Variants in PALLD observed in about 807,000 individuals in gnomAD.
PALLD encodes palladin, cytoskeletal associated protein.
PALLD carries 61 observed loss-of-function variants against 123.5 expected under a neutral mutation model. The observed-to-expected ratio is 0.49, with a 90% CI of 0.40 to 0.61. The LOEUF (loss-of-function observed/expected upper bound fraction) is 0.61, where lower values mean the gene tolerates loss of function less well. Among genes scored for constraint, PALLD ranks in the 20% least tolerant of loss-of-function variants. The pLI is 0.00. For missense variants in PALLD, 1,273 were observed against 1,377.0 expected, an observed-to-expected ratio of 0.92 and a Z score of 1.20; for synonymous variants, 465 against 496.4, an observed-to-expected ratio of 0.94 and a Z score of 0.84.
intron 8 of PALLD, among the ~76,000 whole-genome samples, chr4:168,703,030 G>C (rs963059011): frequency 2.6e-4 from 36 of 138,502 alleles, no homozygotes; most frequent in African/African-American, 9.2e-4. Flanking sequence ...CTAGCATTAG[G>C]TATATCTCCC....
intron 2 of PALLD, among the ~76,000 whole-genome samples, chr4:168,529,039 G>A (rs1041875142): frequency 6.6e-6 from 1 of 152,160 alleles, no homozygotes; most frequent in African/African-American, 2.4e-5. Context: ...ATAAGAACTA[G>A]GTGTGCCATT....
At chr4:168,924,521 CAT>C in intron 19 of PALLD, 101 bp downstream of exon 19, 2 of 1,153,822 alleles carry the variant, frequency 1.7e-6, no homozygotes, top group Non-Finnish European at 2.6e-6. Flanking sequence ...GTAAAAGCCA[CAT>C]AGATGTTTTG....
At chr4:168,905,697 A>G (rs1177855434) in intron 15 of PALLD, among the ~76,000 whole-genome samples, 1 of 152,104 alleles carries the variant, frequency 6.6e-6, no homozygotes, top group African/African-American at 2.4e-5. Flanking sequence ...ATCACCCTGA[A>G]AAAGTCTAAA....
At chr4:168,601,199 C>T (rs1318564470) in intron 2 of PALLD, among the ~76,000 whole-genome samples, 1 of 152,048 alleles carries the variant, frequency 6.6e-6, no homozygotes, top group African/African-American at 2.4e-5. Flanking sequence ...TCTATAGGCA[C>T]ATTAGATTGC....
intron 2 of PALLD, among the ~76,000 whole-genome samples, chr4:168,628,863 A>G (rs1195586527): frequency 6.6e-6 from 1 of 152,242 alleles, no homozygotes; most frequent in African/African-American, 2.4e-5. Flanking sequence ...TGTTACCAAC[A>G]TACACAATAG....
At chr4:168,831,615 C>G (rs1744213069) in intron 10 of PALLD, among the ~76,000 whole-genome samples, 1 of 152,166 alleles carries the variant, frequency 6.6e-6, no homozygotes, top group Admixed American at 6.5e-5. Flanking sequence ...GCCCCAGTCT[C>G]GCAGTTCCAT....
At chr4:168,887,046 G>A (rs1458416292) in intron 10 of PALLD, among the ~76,000 whole-genome samples, 1 of 150,796 alleles carries the variant, frequency 6.6e-6, no homozygotes, top group Non-Finnish European at 1.5e-5. Context: ...GAACCTGGGA[G>A]GCAGAGGTTG....
intron 10 of PALLD, among the ~76,000 whole-genome samples, chr4:168,796,223 A>AT (rs1029651290): frequency 1.3e-5 from 2 of 151,864 alleles, no homozygotes; most frequent in African/African-American, 4.8e-5. Flanking sequence ...GCTCTAACTA[A>AT]TTTTTTTAGT....
At chr4:168,674,942 G>A (rs1780679150) in intron 3 of PALLD, among the ~76,000 whole-genome samples, 1 of 152,018 alleles carries the variant, frequency 6.6e-6, no homozygotes, top group South Asian at 2.1e-4. Flanking sequence ...GGAGGGAGGA[G>A]AGTAAGATGG....
chr4:168,917,184 A>G, intron 17 of PALLD, among the ~76,000 whole-genome samples: 1 of 151,006 alleles, frequency 6.6e-6, no homozygotes. Flanking sequence ...GAGTAGCTGG[A>G]AGTACAGGCA....
chr4:168,724,777 C>T (rs1000466545), intron 10 of PALLD, among the ~76,000 whole-genome samples: 20 of 152,202 alleles, frequency 1.3e-4, no homozygotes, highest in Non-Finnish European at 2.6e-4. Flanking sequence ...GCCTTCCAAC[C>T]TCTGTATGTG....
intron 10 of PALLD, 28 bp downstream of exon 10, chr4:168,711,951 A>C: frequency 1.3e-6 from 2 of 1,567,994 alleles, no homozygotes; most frequent in Non-Finnish European, 1.8e-6. Context: ...GTTTTATAAT[A>C]ATTTCCATAC....
intron 2 of PALLD, among the ~76,000 whole-genome samples, chr4:168,550,737 G>T (rs1423204739): frequency 6.6e-6 from 1 of 151,966 alleles, no homozygotes; most frequent in Admixed American, 6.6e-5. Flanking sequence ...ACTTATAGGG[G>T]GTCAGTATTT....
intron 16 of PALLD, among the ~76,000 whole-genome samples, chr4:168,915,364 A>G (rs1006160596): frequency 2.6e-5 from 4 of 152,226 alleles, no homozygotes; most frequent in African/African-American, 9.6e-5. Flanking sequence ...GTACAATCTC[A>G]TTTTTTAAAG....
At position 168,755,215 on chromosome 4, in the gene PALLD, A is replaced by T. The variant is rs1277740890; in HGVS notation, c.1964+43292A>T. 2.1e-5 allele frequency among the ~76,000 whole-genome samples: 3 copies of T among 145,056 alleles called. No homozygotes were observed. In the Admixed American group the frequency reaches 2.1e-4, roughly 10 times the overall value. On this transcript the variant is annotated intron_variant, in intron 10 of 21. Transcript: ENST00000505667. ...ACCACTGCACTCCAGCCTGGGCGAG[A>T]GAGCAAGACTCCGTCTCAAAAAAAA...
intron 2 of PALLD, among the ~76,000 whole-genome samples, chr4:168,630,044 T>C (rs1269727842): frequency 6.6e-6 from 1 of 152,254 alleles, no homozygotes; most frequent in Admixed American, 6.5e-5. Flanking sequence ...GGTGATCATA[T>C]ACTGAAACCC....
intron 10 of PALLD, among the ~76,000 whole-genome samples, chr4:168,851,448 AC>A (rs1747769457): frequency 6.7e-6 from 1 of 148,662 alleles, no homozygotes; most frequent in South Asian, 2.1e-4. Flanking sequence ...GCTCACTGCA[AC>A]CTCTGCCTCC....
intron 10 of PALLD, among the ~76,000 whole-genome samples, chr4:168,805,748 C>G (rs1004774338): frequency 1.3e-5 from 2 of 152,182 alleles, no homozygotes; most frequent in Admixed American, 1.3e-4. Flanking sequence ...TAAGTTACAG[C>G]ACTTAGCACC....
At chr4:168,686,698 G>A (rs894536644) in intron 6 of PALLD, 8 of 152,184 alleles carry the variant, frequency 5.3e-5, no homozygotes, top group Non-Finnish European at 1.2e-4. Flanking sequence ...TAGTATATAT[G>A]AGCTGCCAAA....
Sources: gnomAD v4.1 joint callset for allele counts (sites outside exome capture counted in the v4.1 genomes callset) on GRCh38, gnomAD v4.1.1 for gene constraint, MANE v1.5 for transcripts, NCBI Gene and HGNC (gene_info 2026-07-23, HGNC 2026-07-21) for gene names.